COL22A1: variants seen among roughly 807,000 people sequenced by gnomAD.
The protein encoded by COL22A1 is collagen alpha-1(XXII) chain.
In COL22A1, 221 loss-of-function variants were observed where a neutral mutation model predicts 248.9. The ratio of observed to expected loss-of-function variants is 0.89; its 90% CI spans 0.80 to 0.99. The LOEUF (loss-of-function observed/expected upper bound fraction) is 0.99. Ranked by LOEUF, COL22A1 falls within the 50% of genes least tolerant of loss-of-function variation. The pLI, the probability that COL22A1 is intolerant of heterozygous loss-of-function variation, is 0.00. For synonymous variants in COL22A1, 891 were observed against 793.4 expected, an observed-to-expected ratio of 1.12 and a Z score of -2.07; for missense variants, 2,240 against 2,179.0, an observed-to-expected ratio of 1.03 and a Z score of -0.56.
intron 10 of COL22A1, among the ~76,000 whole-genome samples, chr8:138,803,730 C>A (rs566281811): frequency 6.6e-6 from 1 of 152,154 alleles, no homozygotes; most frequent in Non-Finnish European, 1.5e-5. Context: ...GAACCTAAAT[C>A]TCCTGCCATC....
intron 23 of COL22A1, 107 bp from the exon 24 acceptor site, chr8:138,725,547 G>A: frequency 9.5e-6 from 8 of 845,194 alleles, no homozygotes; most frequent in South Asian, 4.1e-5. Flanking sequence ...GGATGAGGTG[G>A]GATTTTAACT....
chr8:138,670,831 C>G (rs1346626388), intron 41 of COL22A1, among the ~76,000 whole-genome samples: 1 of 151,764 alleles, frequency 6.6e-6, no homozygotes, highest in Non-Finnish European at 1.5e-5. Context: ...CATGGTGGCT[C>G]GCACCTGTAG....
intron 35 of COL22A1, among the ~76,000 whole-genome samples, chr8:138,693,324 C>T (rs148300991): frequency 6.6e-5 from 10 of 152,100 alleles, no homozygotes; most frequent in Admixed American, 2.6e-4. Context: ...AGTACATGTA[C>T]GTGGTTGTGC....
At chr8:138,813,839 T>C (rs186542086) in intron 7 of COL22A1, among the ~76,000 whole-genome samples, 195 of 151,832 alleles carry the variant, frequency 1.3e-3, no homozygotes, top group Middle Eastern at 0.01. Context: ...AACAAGATCC[T>C]TAATGATGCT....
chr8:138,608,137 C>T, intron 56 of COL22A1, 148 bp from the exon 57 acceptor site: 1 of 558,880 alleles, frequency 1.8e-6, no homozygotes, highest in Non-Finnish European at 3.1e-6. Flanking sequence ...CTTCATTACT[C>T]AGAGGATGTT....
chr8:138,836,713 T>C (rs190954478), intron 4 of COL22A1, among the ~76,000 whole-genome samples: 68 of 152,380 alleles, frequency 4.5e-4, no homozygotes, highest in African/African-American at 1.6e-3. Flanking sequence ...TTTGTGTTTT[T>C]AGCACCAAAA....
intron 22 of COL22A1, among the ~76,000 whole-genome samples, chr8:138,746,796 T>TC: frequency 6.6e-6 from 1 of 152,318 alleles, no homozygotes; most frequent in East Asian, 1.9e-4. Context: ...CCACCTGGCA[T>TC]CCGACCCGAA....
intron 1 of COL22A1, among the ~76,000 whole-genome samples, chr8:138,892,900 G>A (rs1387385779): frequency 6.6e-6 from 1 of 152,236 alleles, no homozygotes; most frequent in Non-Finnish European, 1.5e-5. Context: ...CTGATGTGTT[G>A]CTGGGGTGAT....
chr8:138,802,948 A>G lies in COL22A1; in HGVS notation c.1495-14T>C, dbSNP rs1441130247. 6.2e-7 allele frequency: 1 copy of G among 1,609,186 alleles called. No homozygotes were observed. The highest frequency in any genetic ancestry group is 2.2e-5 in the East Asian group (1 of 44,840). ...TCCTATGTCTCCCTGAGGGGTTGAGACCAGAGACAAGCATCAGATTAGGTT... is the reference window on the plus strand; with the variant it reads ...TCCTATGTCTCCCTGAGGGGTTGAGGCCAGAGACAAGCATCAGATTAGGTT... On this transcript the variant is annotated splice_polypyrimidine_tract_variant and intron_variant, in intron 10 of 64. Coordinates refer to ENST00000303045, the MANE Select transcript of COL22A1 (RefSeq NM_152888.3).
At position 138,594,118 on chromosome 8, in the gene COL22A1, G is replaced by A; in HGVS notation, c.4514C>T (p.Pro1505Leu). 6.3e-7 allele frequency: 1 copy of A among 1,576,128 alleles called. No homozygotes were observed. Among genetic ancestry groups the A allele is most frequent in the Non-Finnish European group, 8.6e-7 (1 of 1,168,386 alleles). Residue 1505 changes from proline (P) to leucine (L), a missense_variant, in exon 63 of 65, where the codon CCT (proline) becomes CTT (leucine). Pro to Leu is a moderately conservative substitution (Grantham distance 98). Transcript: ENST00000303045. ...SQGRPGPPGP[P>L]GKDGLPGRAG... ...CCGGCCTGGAAGCCCATCTTTTCCA[G>A]GGGGCCCTGGGGGCCCAGGTCTGCC...
intron 47 of COL22A1, among the ~76,000 whole-genome samples, chr8:138,644,075 C>A (rs186891200): frequency 6.6e-6 from 1 of 152,154 alleles, no homozygotes; most frequent in African/African-American, 2.4e-5. Flanking sequence ...AGCCACCACA[C>A]CTGACCCCTA....
intron 36 of COL22A1, among the ~76,000 whole-genome samples, chr8:138,689,384 G>T (rs1469220386): frequency 6.6e-6 from 1 of 152,126 alleles, no homozygotes; most frequent in Non-Finnish European, 1.5e-5. Flanking sequence ...TTTGAGACAT[G>T]GTTTAAGTGC....
chr8:138,627,186 C>T (rs1298072761), intron 50 of COL22A1, among the ~76,000 whole-genome samples: 1 of 152,176 alleles, frequency 6.6e-6, no homozygotes, highest in South Asian at 2.1e-4. Flanking sequence ...CAACCCAAGA[C>T]AAAGATGGAG....
chr8:138,654,792 A>G (rs1437139125), intron 45 of COL22A1, among the ~76,000 whole-genome samples: 1 of 152,190 alleles, frequency 6.6e-6, no homozygotes, highest in Non-Finnish European at 1.5e-5. Context: ...AACTCCAGCC[A>G]TGCTGTGCCC....
intron 23 of COL22A1, among the ~76,000 whole-genome samples, chr8:138,733,386 G>A (rs1483858677): frequency 6.6e-6 from 1 of 151,754 alleles, no homozygotes; most frequent in Non-Finnish European, 1.5e-5. Flanking sequence ...AGCCACCCTG[G>A]GGCTTTGCAC....
chr8:138,724,643 G>A lies in COL22A1; in HGVS notation c.2219C>T (p.Pro740Leu), dbSNP rs201874065. The part of the protein sequence containing the change: ...SPGLPGEIGF[P>L]GKPGPPGPTG... ...GGGCCCAGGAGGTCCAGGCTTTCCCGGGAAGCCGATCTCTCCAGGCAAACC... is the reference window on the plus strand; with the variant it reads ...GGGCCCAGGAGGTCCAGGCTTTCCCAGGAAGCCGATCTCTCCAGGCAAACC... The change falls in exon 25 of 65, where the codon CCG (proline) becomes CTG (leucine). Residue 740 changes from proline (P) to leucine (L), a missense_variant. By Grantham distance (98) the Pro-to-Leu change is moderately conservative. Transcript: ENST00000303045. 72 of 1,614,166 alleles carry A rather than the reference G, an allele frequency of 4.5e-5. No homozygotes were observed. The highest frequency in any genetic ancestry group is 1.6e-4 in the Middle Eastern group (1 of 6,062).
intron 12 of COL22A1, among the ~76,000 whole-genome samples, chr8:138,788,089 G>C (rs962968658): frequency 6.6e-6 from 1 of 152,128 alleles, no homozygotes; most frequent in Admixed American, 6.5e-5. Context: ...TTAGGAATAT[G>C]CTGGGCAGTG....
chr8:138,634,693 A>G (rs1490300036), intron 49 of COL22A1, among the ~76,000 whole-genome samples: 4 of 152,234 alleles, frequency 2.6e-5, no homozygotes, highest in African/African-American at 4.8e-5. Context: ...TTTGCTTGCC[A>G]TCATAATCTT....
intron 16 of COL22A1, among the ~76,000 whole-genome samples, chr8:138,774,813 C>T (rs553980574): frequency 5.3e-5 from 8 of 152,262 alleles, no homozygotes; most frequent in South Asian, 2.1e-4. Flanking sequence ...CTCAGTGGAA[C>T]GCTGTGCAGT....
Sources: allele counts gnomAD v4.1 joint callset (sites outside exome capture counted in the v4.1 genomes callset), GRCh38; gene constraint gnomAD v4.1.1; transcripts MANE v1.5; gene names NCBI Gene and HGNC (gene_info 2026-07-23, HGNC 2026-07-21).